The following CHMP6 variants were observed in gnomAD, a reference collection of about 807,000 sequenced individuals.
CHMP6 encodes chromatin-modifying protein 6.
CHMP6 carries 10 observed loss-of-function variants against 32.8 expected under a neutral mutation model. The observed-to-expected ratio is 0.30, with a 90% CI of 0.19 to 0.52. CHMP6 has a LOEUF of 0.52. Among genes scored for constraint, CHMP6 ranks in the 20% least tolerant of loss-of-function variants. CHMP6 has a pLI of 0.97. For synonymous variants in CHMP6, 123 were observed against 105.8 expected (o/e 1.16, Z -1.00); for missense variants, 269 against 263.8 (o/e 1.02, Z -0.14).
chr17:80,997,412 G>GGGA, intron 6 of CHMP6, 71 bp downstream of exon 6: 70 of 653,886 alleles, frequency 1.1e-4, no homozygotes, highest in Middle Eastern at 2.8e-4. Flanking sequence ...CCCCCAGGAG[G>GGGA]CCCTGCCCAT....
rs775106037 is a variant in CHMP6, at chr17:80,991,877, C to T, written c.-42C>T. Reference sequence around the variant, plus strand: ...TACGGTGGCCGCGGGGCGGCGGTGGCGATTGGACTTGGTGGGTCCCGGGCC... The same window carrying T: ...TACGGTGGCCGCGGGGCGGCGGTGGTGATTGGACTTGGTGGGTCCCGGGCC... On this transcript the variant is annotated 5_prime_UTR_variant, in exon 1 of 8. Coordinates refer to ENST00000325167, the MANE Select transcript of CHMP6 (RefSeq NM_024591.5). The T allele has an allele frequency of 2.3e-5, 32 of 1,365,098 alleles. No individual in the cohort carries two copies. The highest frequency in any genetic ancestry group is 2.0e-4 in the East Asian group (6 of 30,676). The allele number at this position is 1,365,098 out of a possible 1,614,324, so 84.6% of individuals were successfully genotyped here. A position where few individuals can be genotyped will look rare whatever the true frequency, so the allele number is the denominator to read the frequency against.
chr17:80,995,239 A>G, intron 3 of CHMP6, 133 bp downstream of exon 3: 3 of 837,824 alleles, frequency 3.6e-6, no homozygotes, highest in Non-Finnish European at 5.6e-6. Flanking sequence ...GCTGACCTGA[A>G]GAGGGGCGGG....
intron 7 of CHMP6, 73 bp from the exon 8 acceptor site, chr17:80,999,025 G>A (rs1399100383): frequency 4.4e-6 from 7 of 1,573,530 alleles, no homozygotes; most frequent in Non-Finnish European, 6.1e-6. Flanking sequence ...CCACCCCTGT[G>A]GCCTCGTCCC....
At position 80,992,109 on chromosome 17, in the gene CHMP6, C is replaced by T. The variant is rs1409326609; in HGVS notation, c.63+128C>T. 9.0e-5 allele frequency: 51 copies of T among 567,860 alleles called. No homozygotes were observed. The East Asian group carries it at 2.2e-3, about 24-fold the overall frequency. The allele number at this position is 567,860 out of a possible 1,614,324, so 35.2% of individuals were successfully genotyped here. ...CGGATGGGGAAACTGAGGCGCAGCGCGCAGCCGGGCCCCTCGGTCTCTCCG... is the reference window on the plus strand; with the variant it reads ...CGGATGGGGAAACTGAGGCGCAGCGTGCAGCCGGGCCCCTCGGTCTCTCCG... On this transcript the variant is annotated intron_variant, in intron 1 of 7. Transcript: ENST00000325167.
chr17:80,995,546 TCAGG>T, intron 3 of CHMP6, 122 bp from the exon 4 acceptor site: 3 of 732,182 alleles, frequency 4.1e-6, no homozygotes, highest in South Asian at 3.3e-5. Context: ...GGAGCAGGTG[TCAGG>T]AGTCACCCTC....
chr17:80,992,546 C>T (rs1380978642), intron 1 of CHMP6, among the ~76,000 whole-genome samples: 1 of 152,226 alleles, frequency 6.6e-6, no homozygotes, highest in East Asian at 1.9e-4. Flanking sequence ...CGAGGAGCGG[C>T]CGACAGGTGC....
intron 7 of CHMP6, chr17:80,998,768 A>G: frequency 9.1e-7 from 1 of 1,100,880 alleles, no homozygotes; most frequent in South Asian, 1.7e-5. Context: ...CATTCAGCAC[A>G]GGCTCTCCAA....
intron 4 of CHMP6, 25 bp downstream of exon 4, chr17:80,995,783 A>T: frequency 6.2e-7 from 1 of 1,609,382 alleles, no homozygotes; most frequent in Non-Finnish European, 8.5e-7. Context: ...GGCCAGGGGC[A>T]TGGAGGTGTG....
rs2069594082 is a variant in CHMP6 at position 80,991,864 on chromosome 17, G to A, written c.-55G>A. On this transcript the variant is annotated 5_prime_UTR_variant, in exon 1 of 8. Transcript: ENST00000325167. ...GGAGGACCCGAGCTACGGTGGCCGCGGGGCGGCGGTGGCGATTGGACTTGG... is the reference window on the plus strand; with the variant it reads ...GGAGGACCCGAGCTACGGTGGCCGCAGGGCGGCGGTGGCGATTGGACTTGG... 8 of 1,310,290 alleles carry A rather than the reference G, an allele frequency of 6.1e-6. No individual in the cohort carries two copies. Among genetic ancestry groups the A allele is most frequent in the African/African-American group, 1.5e-5 (1 of 65,578 alleles). The allele number at this position is 1,310,290 out of a possible 1,614,324, so 81.2% of individuals were successfully genotyped here. A position where few individuals can be genotyped will look rare whatever the true frequency, so the allele number is the denominator to read the frequency against.
At chr17:80,996,642 C>T (rs549676880) in intron 4 of CHMP6, among the ~76,000 whole-genome samples, 24 of 152,328 alleles carry the variant, frequency 1.6e-4, no homozygotes, top group South Asian at 6.2e-4. Flanking sequence ...TTTTTACTGG[C>T]GGCTGTGAGA....
At chr17:80,992,520 G>A (rs1309413784) in intron 1 of CHMP6, among the ~76,000 whole-genome samples, 1 of 152,258 alleles carries the variant, frequency 6.6e-6, no homozygotes, top group Non-Finnish European at 1.5e-5. Flanking sequence ...GGACTGGAAG[G>A]AAGTCTGCCC....
intron 2 of CHMP6, among the ~76,000 whole-genome samples, 163 bp from the exon 3 acceptor site, chr17:80,994,856 G>A (rs1432812839): frequency 0.15 from 33 of 214 alleles, 13 homozygotes; most frequent in South Asian, 0.57. Context: ...GGGGTGGGGG[G>A]CCCGGGCAGC....
At chr17:80,998,061 C>T (rs2069654252) in intron 6 of CHMP6, among the ~76,000 whole-genome samples, 1 of 152,238 alleles carries the variant, frequency 6.6e-6, no homozygotes. Context: ...TCACCCACCC[C>T]TCGGTCCCTG....
At chr17:80,998,692 A>G in intron 7 of CHMP6, 12 of 1,382,494 alleles carry the variant, frequency 8.7e-6, no homozygotes, top group Non-Finnish European at 1.0e-5. Flanking sequence ...CTTTAGCAGC[A>G]CCAGCTCATT....
rs141076378 is a variant in CHMP6, at chr17:80,996,619, T to C, written c.349-388T>C. ...ATCAAGTCACCTGCCCAGAATGTTC[T>C]ACCTGTTGCTTGTTTTTACTGGCGG... On this transcript the variant is annotated intron_variant, in intron 4 of 7. Transcript: ENST00000325167. Among the ~76,000 whole-genome samples, 385 of 152,364 alleles carry C rather than the reference T, an allele frequency of 2.5e-3. 5 individuals carry two copies. The highest frequency in any genetic ancestry group is 0.02 in the Admixed American group (301 of 15,304).
At chr17:80,996,628 C>T (rs1287002830) in intron 4 of CHMP6, among the ~76,000 whole-genome samples, 1 of 152,258 alleles carries the variant, frequency 6.6e-6, no homozygotes, top group African/African-American at 2.4e-5. Context: ...CTACCTGTTG[C>T]TTGTTTTTAC....
Position 80,999,185 on chromosome 17 carries a change from G to A in CHMP6, c.*32G>A, listed in dbSNP as rs1330068826. 1.9e-6 allele frequency: 3 copies of A among 1,612,968 alleles called. No individual in the cohort carries two copies. The highest frequency in any genetic ancestry group is 2.5e-6 in the Non-Finnish European group (3 of 1,179,210). ...CTCGTCTTGTGGGACTCACGGGGAT[G>A]CCCCAGGGACTGTGGCCCACAGAGA... On this transcript the variant is annotated 3_prime_UTR_variant, in exon 8 of 8. Transcript: ENST00000325167.
Position 80,999,428 on chromosome 17 carries a change from GAGGCCC to G in CHMP6, c.*283_*288del. ...CCGGTTGTGGGCTCCCCCGGTGGCC[GAGGCCC>G]AGGCCCAACGCCTCTGGTGCTGTTC... On this transcript the variant is annotated 3_prime_UTR_variant, in exon 8 of 8. Transcript: ENST00000325167. The G allele has an allele frequency of 2.2e-6, 1 of 455,158 alleles. No homozygotes were observed. The highest frequency in any genetic ancestry group is 2.3e-5 in the South Asian group (1 of 43,744). 28.2% of individuals were successfully genotyped at this position (455,158 alleles called of 1,614,324 possible).
chr17:80,994,291 G>A (rs1052098993), intron 1 of CHMP6, among the ~76,000 whole-genome samples: 1 of 152,136 alleles, frequency 6.6e-6, no homozygotes, highest in Non-Finnish European at 1.5e-5. Flanking sequence ...AGGCAGCCTC[G>A]AGGGTGGACC....
Sources: allele counts gnomAD v4.1 joint callset (sites outside exome capture counted in the v4.1 genomes callset), GRCh38; gene constraint gnomAD v4.1.1; transcripts MANE v1.5; gene names NCBI Gene and HGNC (gene_info 2026-07-23, HGNC 2026-07-21).